Variants in SPMIP4 observed in about 807,000 individuals in gnomAD.
SPMIP4 encodes sperm-associated microtubule inner protein 4.
At chr7:25,167,571 G>C in the SPMIP4 span, among the ~76,000 whole-genome samples, 28,214 of 152,094 alleles carry the variant, frequency 0.19, 3,832 homozygotes, top group African/African-American at 0.38. Context: ...GGTCATCGGC[G>C]GCACATGTCC....
chr7:25,152,738 C>T, the SPMIP4 span, among the ~76,000 whole-genome samples: 3 of 136,000 alleles, frequency 2.2e-5, no homozygotes, highest in African/African-American at 5.4e-5. Flanking sequence ...TCCCTCCCTT[C>T]GTTGTCTCTC....
chr7:25,136,514 G>A, the SPMIP4 span: 3 of 1,614,182 alleles, frequency 1.9e-6, no homozygotes, highest in Non-Finnish European at 2.5e-6. This position sits in a 1 kb window ranked among gnomAD's most constrained non-coding sequence, Gnocchi z 5.7. Flanking sequence ...CAAGATGGGA[G>A]TTCATAGGTA....
the SPMIP4 span, among the ~76,000 whole-genome samples, chr7:25,174,076 C>T: frequency 6.6e-6 from 1 of 152,152 alleles, no homozygotes; most frequent in Admixed American, 6.5e-5. This position sits in a 1 kb window ranked among gnomAD's most constrained non-coding sequence, Gnocchi z 4.5. Context: ...TTTCTGGATT[C>T]ACTTCATTGC....
the SPMIP4 span, chr7:25,158,593 T>A: frequency 7.5e-7 from 1 of 1,327,042 alleles, no homozygotes; most frequent in Non-Finnish European, 1.1e-6. Flanking sequence ...TTTATATCCC[T>A]ATTAGAAACT....
At chr7:25,161,170 G>GA in the SPMIP4 span, 83 of 1,457,624 alleles carry the variant, frequency 5.7e-5, no homozygotes, top group Non-Finnish European at 7.4e-5. Flanking sequence ...TTTATATAAG[G>GA]AAAAAAACCC....
the SPMIP4 span, among the ~76,000 whole-genome samples, chr7:25,174,198 C>T: frequency 1.1e-4 from 16 of 152,104 alleles, no homozygotes; most frequent in Non-Finnish European, 1.9e-4. The surrounding 1 kb of genome is among the most constrained non-coding windows in gnomAD (Gnocchi z 4.5). Flanking sequence ...CCCCCTCTCT[C>T]TCCGTCTCCC....
chr7:25,171,711 T>C, the SPMIP4 span, among the ~76,000 whole-genome samples: 142,754 of 152,314 alleles, frequency 0.94, 66,949 homozygotes, highest in East Asian at 1. Flanking sequence ...AGGGCAGGGC[T>C]GATCCTGGCA....
the SPMIP4 span, among the ~76,000 whole-genome samples, chr7:25,177,159 G>A: frequency 2.1e-3 from 316 of 152,302 alleles, 12 homozygotes; most frequent in Admixed American, 0.019. Flanking sequence ...TGCCTGGTGT[G>A]GAAGTGCTAT....
At chr7:25,137,535 G>C in the SPMIP4 span, among the ~76,000 whole-genome samples, 1 of 152,142 alleles carries the variant, frequency 6.6e-6, no homozygotes, top group East Asian at 1.9e-4. Context: ...TGTATTGGCA[G>C]GGTTGGTTTC....
chr7:25,179,459 C>T, the SPMIP4 span: 4 of 682,034 alleles, frequency 5.9e-6, no homozygotes, highest in African/African-American at 7.3e-5. Flanking sequence ...CACTGAAAGC[C>T]GTCAAATCAG....
At chr7:25,163,182 C>G in the SPMIP4 span, among the ~76,000 whole-genome samples, 1 of 152,176 alleles carries the variant, frequency 6.6e-6, no homozygotes, top group Admixed American at 6.5e-5. The surrounding 1 kb of genome is among the most constrained non-coding windows in gnomAD (Gnocchi z 4.4). Context: ...GGCTAATAAT[C>G]TATGATGCAT....
the SPMIP4 span, among the ~76,000 whole-genome samples, chr7:25,177,230 C>T: frequency 1.3e-5 from 2 of 152,030 alleles, no homozygotes; most frequent in African/African-American, 4.8e-5. Flanking sequence ...CTAGAGAATT[C>T]TTAAATGATT....
At chr7:25,132,405 T>C in the SPMIP4 span, among the ~76,000 whole-genome samples, 3 of 152,354 alleles carry the variant, frequency 2.0e-5, no homozygotes, top group South Asian at 2.1e-4. This position sits in a 1 kb window ranked among gnomAD's most constrained non-coding sequence, Gnocchi z 5.0. Context: ...CTACTGTATA[T>C]ATCATTGACA....
the SPMIP4 span, among the ~76,000 whole-genome samples, chr7:25,178,964 C>T: frequency 6.6e-6 from 1 of 152,112 alleles, no homozygotes; most frequent in Non-Finnish European, 1.5e-5. Context: ...TCACCTGAAC[C>T]TGGGAGGCAG....
the SPMIP4 span, among the ~76,000 whole-genome samples, chr7:25,158,807 T>C: frequency 6.6e-6 from 1 of 151,504 alleles, no homozygotes; most frequent in Non-Finnish European, 1.5e-5. Flanking sequence ...CTACTCAGGA[T>C]TACCCAGGAG....
the SPMIP4 span, chr7:25,125,852 T>G: frequency 3.2e-6 from 3 of 940,994 alleles, no homozygotes; most frequent in Non-Finnish European, 3.8e-6. Context: ...CACCAGCTCG[T>G]GACCTTGTTC....
At chr7:25,173,035 G>A in the SPMIP4 span, among the ~76,000 whole-genome samples, 1 of 150,614 alleles carries the variant, frequency 6.6e-6, no homozygotes, top group African/African-American at 2.5e-5. The surrounding 1 kb of genome is among the most constrained non-coding windows in gnomAD (Gnocchi z 4.4). Flanking sequence ...GGAAGAAAGT[G>A]GGAGAAAAAG....
the SPMIP4 span, among the ~76,000 whole-genome samples, chr7:25,160,667 T>C: frequency 6.6e-6 from 1 of 152,184 alleles, no homozygotes; most frequent in Non-Finnish European, 1.5e-5. Context: ...TATTTAAAAG[T>C]GTAACAAAAT....
the SPMIP4 span, among the ~76,000 whole-genome samples, chr7:25,140,798 G>C: frequency 6.6e-6 from 1 of 151,628 alleles, no homozygotes; most frequent in East Asian, 1.9e-4. Context: ...TGTTGGCCAG[G>C]CTGGTCTCGA....
Sources: gnomAD v4.1 joint callset for allele counts (sites outside exome capture counted in the v4.1 genomes callset) on GRCh38, gnomAD v4.1.1 for gene constraint, Gnocchi (gnomAD v3.1) non-coding constraint, MANE v1.5 for transcripts, NCBI Gene and HGNC (gene_info 2026-07-23, HGNC 2026-07-21) for gene names.